MYO15B: variants seen among roughly 807,000 people sequenced by gnomAD.
MYO15B encodes myosin XVB, also known as myosin XVB pseudogene.
Under a neutral mutation model 119.3 loss-of-function variants are expected in MYO15B, and 207 were observed. That is an observed-to-expected ratio of 1.73 (90% CI 1.55 to 1.95). The LOEUF (loss-of-function observed/expected upper bound fraction) is 1.95, where lower values mean the gene tolerates loss of function less well. MYO15B is among the 30% of genes most tolerant of loss of function. The pLI, the probability that MYO15B is intolerant of heterozygous loss-of-function variation, is 0.00. For synonymous variants in MYO15B, 966 were observed against 498.9 expected (o/e 1.94, Z -12.48); for missense variants, 2,264 against 1,203.1 (o/e 1.88, Z -13.04).
chr17:75,596,934 C>T (rs527979404), intron 14 of MYO15B, 35 bp downstream of exon 14: 15 of 669,414 alleles, frequency 2.2e-5, no homozygotes, highest in Middle Eastern at 2.4e-4. Flanking sequence ...CACCCAGTGT[C>T]GGGAAGGAGT....
chr17:75,590,613 G>C lies in MYO15B; in HGVS notation c.2187-13G>C. Reference sequence around the variant, plus strand: ...CCACAACTTGTCATGCCTCCACCCTGTTGTCCCTACAGGCTGGTGTGTGAC... The same window carrying C: ...CCACAACTTGTCATGCCTCCACCCTCTTGTCCCTACAGGCTGGTGTGTGAC... On this transcript the variant is annotated splice_polypyrimidine_tract_variant and intron_variant, in intron 1 of 63. Transcript: ENST00000645453. 2 of 224,046 alleles carry C rather than the reference G, an allele frequency of 8.9e-6. No homozygotes were observed. The highest frequency in any genetic ancestry group is 9.5e-5 in the East Asian group (1 of 10,540). 13.9% of individuals were successfully genotyped at this position (224,046 alleles called of 1,614,324 possible).
intron 14 of MYO15B, 148 bp from the exon 15 acceptor site, chr17:75,601,290 C>T (rs1029406604): frequency 4.8e-5 from 28 of 585,642 alleles, no homozygotes; most frequent in African/African-American, 4.5e-4. Context: ...CCGACCACCT[C>T]GGCCTCCCAA....
exon 16 of MYO15B, chr17:75,602,569 A>G (rs1206952328): frequency 2.9e-6 from 2 of 688,668 alleles, no homozygotes; most frequent in Non-Finnish European, 5.3e-6. Context: ...GCTGTGGTGG[A>G]GATGCTTGGC....
rs370422626 is a variant in MYO15B, at chr17:75,607,914, A to G, written c.4292+1893A>G. ...CATTTTATGTTTCTACCAGCAATGT[A>G]CAAGGGTTCCAGTTTCTCTACATCC... On this transcript the variant is annotated intron_variant, in intron 21 of 63. Coordinates refer to ENST00000645453, the Ensembl canonical transcript of MYO15B. 4.4e-4 allele frequency among the ~76,000 whole-genome samples: 67 copies of G among 152,314 alleles called. 1 individual carries two copies. The highest frequency in any genetic ancestry group is 3.4e-3 in the Middle Eastern group (1 of 294).
chr17:75,620,240 C>T lies in MYO15B; in HGVS notation c.7444-6C>T. 1.4e-6 allele frequency: 1 copy of T among 702,574 alleles called. No homozygotes were observed. The highest frequency in any genetic ancestry group is 2.6e-6 in the Non-Finnish European group (1 of 384,964). 43.5% of individuals were successfully genotyped at this position (702,574 alleles called of 1,614,324 possible). On this transcript the variant is annotated splice_region_variant and splice_polypyrimidine_tract_variant and intron_variant, in intron 47 of 63. Transcript: ENST00000645453. ...CTGCTCCAGGCCCTCGCCTGCTTGC[C>T]CACAGGACTCCGGCTATGTCATCGC...
At chr17:75,626,704 G>C in exon 64 of MYO15B, 1 of 577,648 alleles carries the variant, frequency 1.7e-6, no homozygotes, top group Non-Finnish European at 3.1e-6. Flanking sequence ...GCCAAAGCGG[G>C]CTGCAGGAAC....
chr17:75,591,655 G>A, exon 5 of MYO15B: 1 of 702,948 alleles, frequency 1.4e-6, no homozygotes, highest in East Asian at 2.7e-5. Context: ...CCGCCAAAAA[G>A]ATCATGCAGT....
chr17:75,595,530 C>T (rs2056801363), intron 12 of MYO15B, among the ~76,000 whole-genome samples: 1 of 152,222 alleles, frequency 6.6e-6, no homozygotes, highest in Non-Finnish European at 1.5e-5. Context: ...GCGTTCCCGT[C>T]TGTAAAACAG....
At chr17:75,598,370 A>C (rs1282306835) in intron 14 of MYO15B, among the ~76,000 whole-genome samples, 2 of 152,044 alleles carry the variant, frequency 1.3e-5, no homozygotes. Flanking sequence ...CGAGGTCAGC[A>C]GATCGAGACC....
chr17:75,614,150 C>T, intron 29 of MYO15B, 49 bp from the exon 30 acceptor site: 3 of 694,958 alleles, frequency 4.3e-6, no homozygotes, highest in South Asian at 3.0e-5. Context: ...TGGTCCTTGC[C>T]CCCTTCTGGA....
At chr17:75,614,844 C>T (rs1681777604) in exon 32 of MYO15B, 1 of 702,876 alleles carries the variant, frequency 1.4e-6, no homozygotes. Flanking sequence ...ATCCTCCGGC[C>T]TCAGCGTGAG....
intron 15 of MYO15B, chr17:75,602,156 C>A: frequency 2.8e-6 from 1 of 353,224 alleles, no homozygotes; most frequent in Non-Finnish European, 5.4e-6. Context: ...TACAAACTAC[C>A]CAGGAGTTGC....
At chr17:75,623,532 G>A (rs2058827817) in intron 53 of MYO15B, among the ~76,000 whole-genome samples, 1 of 152,224 alleles carries the variant, frequency 6.6e-6, no homozygotes, top group South Asian at 2.1e-4. Flanking sequence ...GCTGAGGCAG[G>A]AGAATTGCTT....
rs540064855 is a variant in MYO15B at position 75,619,670 on chromosome 17, C to T, written c.7183-11C>T. 4 of 702,860 alleles carry T rather than the reference C, an allele frequency of 5.7e-6. No individual in the cohort carries two copies. Among genetic ancestry groups the T allele is most frequent in the South Asian group, 1.5e-5 (1 of 67,584 alleles). The allele number at this position is 702,860 out of a possible 1,614,324, so 43.5% of individuals were successfully genotyped here. A position where few individuals can be genotyped will look rare whatever the true frequency, so the allele number is the denominator to read the frequency against. ...CCAGGAGACTGCCCGAGACCCACCACCTTCCTGTAGGGCGAGAGTGGCAGC... is the reference window on the plus strand; with the variant it reads ...CCAGGAGACTGCCCGAGACCCACCATCTTCCTGTAGGGCGAGAGTGGCAGC... On this transcript the variant is annotated splice_polypyrimidine_tract_variant and intron_variant, in intron 45 of 63. Transcript: ENST00000645453.
intron 23 of MYO15B, 120 bp from the exon 24 acceptor site, chr17:75,611,481 A>AAG: frequency 1.6e-6 from 1 of 625,638 alleles, no homozygotes; most frequent in Non-Finnish European, 2.9e-6. Context: ...AAAAAAAAAA[A>AAG]AAAAAAAATC....
intron 9 of MYO15B, 133 bp from the exon 10 acceptor site, chr17:75,594,342 C>T (rs1160622295): frequency 3.7e-6 from 2 of 535,848 alleles, no homozygotes; most frequent in African/African-American, 3.8e-5. Context: ...CTCCTAATGG[C>T]CCAGATCTCC....
chr17:75,614,624 C>T (rs767365067), exon 31 of MYO15B: 1 of 701,078 alleles, frequency 1.4e-6, no homozygotes. Flanking sequence ...CAGGCCCCCT[C>T]ACTGCCCCCA....
chr17:75,614,475 G>A, intron 30 of MYO15B, 108 bp from the exon 31 acceptor site: 1 of 434,294 alleles, frequency 2.3e-6, no homozygotes, highest in Non-Finnish European at 4.6e-6. Context: ...CTCCCACCCA[G>A]CCTCCTCCCA....
At chr17:75,603,073 G>A (rs1461941826) in exon 18 of MYO15B, 2 of 703,294 alleles carry the variant, frequency 2.8e-6, no homozygotes, top group African/African-American at 1.7e-5. Flanking sequence ...CCTAACCCTG[G>A]AAAGGTGAGC....
Sources: allele counts gnomAD v4.1 joint callset (sites outside exome capture counted in the v4.1 genomes callset), GRCh38; gene constraint gnomAD v4.1.1; transcripts MANE v1.5; gene names NCBI Gene and HGNC (gene_info 2026-07-23, HGNC 2026-07-21).